TBC1D19: variants seen among roughly 807,000 people sequenced by gnomAD.
TBC1D19 encodes the protein TBC1 domain family, member 19.
A neutral mutation model predicts 89.0 loss-of-function variants in TBC1D19; 60 were observed. The observed-to-expected ratio is 0.67, with a 90% CI of 0.55 to 0.84. TBC1D19 has a LOEUF of 0.84. TBC1D19 is among the 40% of genes least tolerant of loss of function. TBC1D19 has a pLI of 0.00. For missense variants in TBC1D19, 500 were observed against 610.8 expected, an observed-to-expected ratio of 0.82 and a Z score of 1.91; for synonymous variants, 189 against 199.7, an observed-to-expected ratio of 0.95 and a Z score of 0.45.
At chr4:26,630,081 G>A (rs952538825) in intron 4 of TBC1D19, among the ~76,000 whole-genome samples, 1 of 151,246 alleles carries the variant, frequency 6.6e-6, no homozygotes, top group African/African-American at 2.4e-5. Flanking sequence ...TTAATATATG[G>A]TTTAAAAGTC....
the TBC1D19 span, among the ~76,000 whole-genome samples, chr4:26,849,390 T>C: frequency 6.6e-6 from 1 of 152,360 alleles, no homozygotes; most frequent in African/African-American, 2.4e-5. Context: ...GATTAGGATA[T>C]CTTTCCTTCT....
chr4:26,766,902 A>G, the TBC1D19 span, among the ~76,000 whole-genome samples: 20 of 152,332 alleles, frequency 1.3e-4, no homozygotes, highest in South Asian at 4.1e-3. Flanking sequence ...ATCTATTCTT[A>G]TCATCAAGGG....
chr4:26,832,875 T>A, the TBC1D19 span, among the ~76,000 whole-genome samples: 1 of 152,202 alleles, frequency 6.6e-6, no homozygotes, highest in East Asian at 1.9e-4. Context: ...GTGCCTGTAA[T>A]CCCAGCTACT....
At position 26,680,161 on chromosome 4, in the gene TBC1D19, C is replaced by G. The variant is rs374465163; in HGVS notation, c.817-3514C>G. 1.9e-4 allele frequency among the ~76,000 whole-genome samples: 29 copies of G among 152,248 alleles called. No individual in the cohort carries two copies. In the South Asian group the frequency reaches 6.0e-3, roughly 32 times the overall value. On this transcript the variant is annotated intron_variant, in intron 11 of 20. Transcript: ENST00000264866. ...GTAAGTTTTCTGAGGCTTCCACGGCCATGTGGAAGTGTGAACCAATTAAAC... is the reference window on the plus strand; with the variant it reads ...GTAAGTTTTCTGAGGCTTCCACGGCGATGTGGAAGTGTGAACCAATTAAAC...
chr4:26,828,846 G>C, the TBC1D19 span, among the ~76,000 whole-genome samples: 2 of 152,212 alleles, frequency 1.3e-5, no homozygotes, highest in South Asian at 2.1e-4. Context: ...CTTACACTAG[G>C]GCTTGGTCAT....
chr4:26,825,662 G>A, the TBC1D19 span, among the ~76,000 whole-genome samples: 2 of 152,152 alleles, frequency 1.3e-5, no homozygotes, highest in African/African-American at 4.8e-5. Context: ...GGTTATACTA[G>A]TTAAGTAAAA....
At chr4:26,592,139 CATG>C (rs1293218632) in intron 1 of TBC1D19, among the ~76,000 whole-genome samples, 3 of 152,176 alleles carry the variant, frequency 2.0e-5, no homozygotes, top group African/African-American at 7.2e-5. Flanking sequence ...GCTTATCCAC[CATG>C]ATAAGTGGGC....
the TBC1D19 span, among the ~76,000 whole-genome samples, chr4:26,777,157 G>A: frequency 2.1e-5 from 3 of 142,466 alleles, no homozygotes; most frequent in East Asian, 4.0e-4. Flanking sequence ...TTTTTTTTAC[G>A]GAGTTTCACT....
chr4:26,748,893 A>G (rs1259347468), intron 19 of TBC1D19, among the ~76,000 whole-genome samples: 2 of 152,182 alleles, frequency 1.3e-5, no homozygotes, highest in Non-Finnish European at 2.9e-5. Flanking sequence ...CTACCTTAGC[A>G]GTCTGTTCTA....
intron 18 of TBC1D19, among the ~76,000 whole-genome samples, chr4:26,745,497 CTTTTTTTTTTTTTTTTT>C (rs71186486): frequency 7.4e-5 from 3 of 40,550 alleles, no homozygotes; most frequent in African/African-American, 2.9e-4. Flanking sequence ...CAATATACTT[CTTTTTTTTTTTTTTTTT>C]TTTTTTTTTT....
At chr4:26,676,100 T>C (rs563746203) in intron 11 of TBC1D19, among the ~76,000 whole-genome samples, 4 of 152,240 alleles carry the variant, frequency 2.6e-5, no homozygotes, top group Non-Finnish European at 5.9e-5. Flanking sequence ...ACTTGCTTAC[T>C]GATAACAATA....
At chr4:26,672,564 A>C (rs1395348998) in intron 10 of TBC1D19, among the ~76,000 whole-genome samples, 1 of 152,048 alleles carries the variant, frequency 6.6e-6, no homozygotes, top group Admixed American at 6.6e-5. Context: ...ATGCTCCCGC[A>C]TCAGGAGAAA....
rs1719252346 is a variant in TBC1D19, at chr4:26,756,131, A to G, written c.*1184A>G. On this transcript the variant is annotated 3_prime_UTR_variant, in exon 21 of 21. Transcript: ENST00000264866. ...GTCTTTTATTTTGGCAGTATGTATT[A>G]GGAAAAATGCTTGTTGATTTACTAA... Among the ~76,000 whole-genome samples the G allele has an allele frequency of 6.6e-6, 1 of 152,222 alleles. No homozygotes were observed. Among genetic ancestry groups the G allele is most frequent in the Non-Finnish European group, 1.5e-5 (1 of 68,028 alleles).
intron 5 of TBC1D19, among the ~76,000 whole-genome samples, chr4:26,637,747 T>G (rs1175772086): frequency 1.3e-5 from 2 of 152,154 alleles, no homozygotes; most frequent in East Asian, 3.9e-4. Flanking sequence ...GTGGGTATAT[T>G]CTATATGGAT....
the TBC1D19 span, among the ~76,000 whole-genome samples, chr4:26,841,379 C>T: frequency 1.1e-5 from 1 of 90,720 alleles, no homozygotes; most frequent in Non-Finnish European, 2.2e-5. Context: ...GAGTGAGACT[C>T]TGTCTCAAAA....
At chr4:26,661,907 G>A (rs1433458993) in intron 8 of TBC1D19, among the ~76,000 whole-genome samples, 1 of 152,118 alleles carries the variant, frequency 6.6e-6, no homozygotes, top group African/African-American at 2.4e-5. Context: ...ATACACAATA[G>A]GAATCATTTC....
the TBC1D19 span, among the ~76,000 whole-genome samples, chr4:26,834,917 C>T: frequency 3.9e-5 from 6 of 152,184 alleles, no homozygotes; most frequent in Non-Finnish European, 8.8e-5. Context: ...AGCATCACCA[C>T]CTGGATGTGC....
intron 14 of TBC1D19, among the ~76,000 whole-genome samples, chr4:26,719,804 C>G (rs1716860987): frequency 6.6e-6 from 1 of 152,100 alleles, no homozygotes; most frequent in African/African-American, 2.4e-5. Context: ...AGATACTTCT[C>G]TTCTTAAGTG....
the TBC1D19 span, among the ~76,000 whole-genome samples, chr4:26,856,971 T>C: frequency 2.0e-5 from 3 of 152,296 alleles, no homozygotes; most frequent in African/African-American, 7.2e-5. Context: ...CTCCCTATCC[T>C]GGATGCAAGA....
Sources: gnomAD v4.1 joint callset for allele counts (sites outside exome capture counted in the v4.1 genomes callset) on GRCh38, gnomAD v4.1.1 for gene constraint, MANE v1.5 for transcripts, NCBI Gene and HGNC (gene_info 2026-07-23, HGNC 2026-07-21) for gene names.